The following L3MBTL2 variants were observed in gnomAD, a reference collection of about 807,000 sequenced individuals.
L3MBTL2 encodes L3MBTL histone methyl-lysine binding protein 2.
Under a neutral mutation model 86.4 loss-of-function variants are expected in L3MBTL2, and 49 were observed. That is an observed-to-expected ratio of 0.57 (90% CI 0.45 to 0.72). The LOEUF (loss-of-function observed/expected upper bound fraction) is 0.72, where lower values mean the gene tolerates loss of function less well. Ranked by LOEUF, L3MBTL2 falls within the 30% of genes least tolerant of loss-of-function variation. L3MBTL2 has a pLI of 0.00. For synonymous variants in L3MBTL2, 336 were observed against 350.6 expected (o/e 0.96, Z 0.47); for missense variants, 755 against 923.7 (o/e 0.82, Z 2.37).
intron 2 of L3MBTL2, 115 bp downstream of exon 2, chr22:41,210,048 T>A: frequency 7.0e-7 from 1 of 1,424,930 alleles, no homozygotes; most frequent in Non-Finnish European, 9.4e-7. Flanking sequence ...CTATTAACTC[T>A]GATTTCTAAG....
rs11705348 is a variant in L3MBTL2 at position 41,227,957 on chromosome 22, G to A, written c.1888+88G>A. On this transcript the variant is annotated intron_variant, in intron 15 of 16. Coordinates refer to ENST00000216237, the MANE Select transcript of L3MBTL2 (RefSeq NM_031488.5). The surrounding 1 kb of genome is among the most constrained non-coding windows in gnomAD (Gnocchi z 6.0). ...GGGAGCAGGCGGGGGTCAGCCCCCA[G>A]GCACTGGTTCCCAGGTGCTGTCCTA... The A allele has an allele frequency of 6.5e-7, 1 of 1,544,266 alleles. No individual in the cohort carries two copies. The highest frequency in any genetic ancestry group is 1.2e-5 in the South Asian group (1 of 83,932).
At position 41,227,599 on chromosome 22, in the gene L3MBTL2, C is replaced by G. The variant is rs1370396793; in HGVS notation, c.1823-205C>G. The G allele has an allele frequency of 7.1e-6, 11 of 1,547,544 alleles. No homozygotes were observed. The South Asian group carries it at 1.2e-4, about 17-fold the overall frequency. ...GGTAAACTACCCAGGTCCCTCTGAG[C>G]AGCCCTGGTAACAAGGGTGGGAAGA... is the stretch of plus-strand genomic sequence containing the variant. On this transcript the variant is annotated intron_variant, in intron 14 of 16. Coordinates refer to ENST00000216237, the MANE Select transcript of L3MBTL2 (RefSeq NM_031488.5). This position sits in a 1 kb window ranked among gnomAD's most constrained non-coding sequence, Gnocchi z 6.0.
At position 41,229,566 on chromosome 22, in the gene L3MBTL2, C is replaced by T. The variant is rs151099443; in HGVS notation, c.1915C>T (p.Arg639Ter). ...GAAAAGAATCCCGCCCACTAAGACG[C>T]GACCCCTCAGACAGGGGTCCAAGAA... Reference protein sequence around the residue: ...KRKRIPPTKTRPLRQGSKKPL... With the variant: ...KRKRIPPTKT Residue 639 changes from arginine (R) to a stop codon, truncating the protein, a stop_gained, in exon 16 of 17, where the codon CGA becomes TGA. Coordinates refer to ENST00000216237, the MANE Select transcript of L3MBTL2 (RefSeq NM_031488.5). LOFTEE classifies it high-confidence loss of function. 5 of 1,612,830 alleles carry T rather than the reference C, an allele frequency of 3.1e-6. No homozygotes were observed. Among genetic ancestry groups the T allele is most frequent in the Admixed American group, 3.3e-5 (2 of 59,996 alleles).
intron 12 of L3MBTL2, among the ~76,000 whole-genome samples, 175 bp from the exon 13 acceptor site, chr22:41,226,487 C>T (rs893676173): frequency 6.6e-6 from 1 of 152,184 alleles, no homozygotes; most frequent in African/African-American, 2.4e-5. Context: ...ACCTATACAA[C>T]AGGACTGTGG....
Position 41,224,250 on chromosome 22 carries a change from A to G in L3MBTL2, c.1173A>G (p.Ser391=). 6.2e-6 allele frequency: 10 copies of G among 1,607,858 alleles called. No individual in the cohort carries two copies. The highest frequency in any genetic ancestry group is 8.5e-6 in the Non-Finnish European group (10 of 1,175,110). ...SRRVGHGIKM[S]ERRSDMAHHP... ...GTGTGGGCCACGGCATCAAGATGTC[A>G]GGTTAGCAGAGCCCCAGGCCAGAGG... The change falls in exon 9 of 17, where the codon TCA becomes TCG. Residue 391 remains serine (S), a splice_region_variant and synonymous_variant. Coordinates refer to ENST00000216237, the MANE Select transcript of L3MBTL2 (RefSeq NM_031488.5). The surrounding 1 kb of genome is among the most constrained non-coding windows in gnomAD (Gnocchi z 4.9).
chr22:41,212,634 G>A (rs1284597483), intron 2 of L3MBTL2, among the ~76,000 whole-genome samples: 5 of 152,074 alleles, frequency 3.3e-5, no homozygotes, highest in Non-Finnish European at 7.4e-5. Flanking sequence ...GGTGGCTCAC[G>A]CCTGTAATCC....
downstream of L3MBTL2, chr22:41,231,271 A>AG (rs1483620179): frequency 6.6e-6 from 1 of 152,144 alleles, no homozygotes; most frequent in Admixed American, 6.5e-5. Context: ...TGCTTGCTTG[A>AG]GTCCCGTTTG....
intron 1 of L3MBTL2, among the ~76,000 whole-genome samples, chr22:41,206,754 G>A (rs112352058): frequency 1.3e-5 from 2 of 151,782 alleles, no homozygotes; most frequent in Non-Finnish European, 2.9e-5. Flanking sequence ...AGCCGAGATC[G>A]GGCCACTGCA....
At chr22:41,214,808 C>T (rs1216901362) in intron 3 of L3MBTL2, 1 of 152,140 alleles carries the variant, frequency 6.6e-6, no homozygotes, top group East Asian at 1.9e-4. Flanking sequence ...GTCAGGAGAT[C>T]GAGACCATCC....
In L3MBTL2 at chr22:41,220,728, T is replaced by G. The variant is rs1165381084; in HGVS notation, c.719-6T>G. 6.2e-7 allele frequency: 1 copy of G among 1,609,950 alleles called. No homozygotes were observed. The highest frequency in any genetic ancestry group is 8.5e-7 in the Non-Finnish European group (1 of 1,177,152). The stretch of plus-strand genomic sequence containing the variant: ...CCCTCACAGGTGCCCTTTCCTTTCC[T>G]TTCAGGGTATCGGGTGCTGCTTCGG... On this transcript the variant is annotated splice_region_variant and splice_polypyrimidine_tract_variant and intron_variant, in intron 6 of 16. Transcript: ENST00000216237.
intron 2 of L3MBTL2, 108 bp from the exon 3 acceptor site, chr22:41,213,785 C>T: frequency 8.2e-7 from 1 of 1,214,730 alleles, no homozygotes; most frequent in Admixed American, 1.9e-5. Context: ...TTTGTGGGGG[C>T]AGGGGCTCAC....
intron 8 of L3MBTL2, among the ~76,000 whole-genome samples, chr22:41,223,707 C>T (rs1248871299): frequency 3.3e-5 from 5 of 152,218 alleles, no homozygotes; most frequent in African/African-American, 1.2e-4. Flanking sequence ...GGTCACTTTT[C>T]CTTAGTCTAA....
rs921531440 is a variant in L3MBTL2, at chr22:41,213,233, T to C, written c.263-660T>C. Among the ~76,000 whole-genome samples, 24 of 152,212 alleles carry C rather than the reference T, an allele frequency of 1.6e-4. 1 individual carries two copies. Among genetic ancestry groups the C allele is most frequent in the Admixed American group, 1.2e-3 (18 of 15,284 alleles). On this transcript the variant is annotated intron_variant, in intron 2 of 16. Coordinates refer to ENST00000216237, the MANE Select transcript of L3MBTL2 (RefSeq NM_031488.5). ...AGGCTCCGTCTCAAAAATAAATAAA[T>C]AAAACACTGATCTAGTTCAGTCCCT...
At chr22:41,215,315 G>A (rs1378908373) in intron 3 of L3MBTL2, among the ~76,000 whole-genome samples, 1 of 152,126 alleles carries the variant, frequency 6.6e-6, no homozygotes, top group African/African-American at 2.4e-5. Flanking sequence ...GGGAGTACTT[G>A]CTAAGGGCTT....
intron 2 of L3MBTL2, among the ~76,000 whole-genome samples, chr22:41,212,666 C>T (rs12167677): frequency 1.3e-5 from 2 of 151,436 alleles, no homozygotes; most frequent in Non-Finnish European, 2.9e-5. Flanking sequence ...GAGGCCGAGG[C>T]GGGAGGATCA....
At chr22:41,214,896 A>G (rs1440590099) in intron 3 of L3MBTL2, among the ~76,000 whole-genome samples, 1 of 152,182 alleles carries the variant, frequency 6.6e-6, no homozygotes, top group African/African-American at 2.4e-5. Flanking sequence ...CTGTAGTCCC[A>G]GTTACTCGGG....
intron 12 of L3MBTL2, among the ~76,000 whole-genome samples, chr22:41,226,330 G>C (rs1333287128): frequency 6.6e-6 from 1 of 152,194 alleles, no homozygotes; most frequent in Non-Finnish European, 1.5e-5. Context: ...TCCTGGTCAA[G>C]TCAGGCCCCA....
chr22:41,213,897 C>G lies in L3MBTL2; in HGVS notation c.267C>G (p.Val89=), dbSNP rs371711074. The G allele has an allele frequency of 1.1e-5, 18 of 1,613,994 alleles. No individual in the cohort carries two copies. The highest frequency in any genetic ancestry group is 1.7e-5 in the Admixed American group (1 of 59,984). The change falls in exon 3 of 17, where the codon GTC becomes GTG. Residue 89 remains valine, a synonymous_variant. Transcript: ENST00000216237. ...TGTGCTAAGTTCTCTTCCCAGCTGT[C>G]TGTGAGATGTGTGGTATCGTGGGTA... is the stretch of plus-strand genomic sequence containing the variant. ...SLDGSGSEPA[V]CEMCGIVGTR...
At chr22:41,228,019 T>G in intron 15 of L3MBTL2, 150 bp downstream of exon 15, 3 of 1,418,132 alleles carry the variant, frequency 2.1e-6, no homozygotes, top group Non-Finnish European at 2.8e-6. Context: ...TCCTGTCTCT[T>G]TCCCCTTGCC....
Sources: allele counts gnomAD v4.1 joint callset (sites outside exome capture counted in the v4.1 genomes callset), GRCh38; gene constraint gnomAD v4.1.1; non-coding constraint Gnocchi (gnomAD v3.1); transcripts MANE v1.5; gene names NCBI Gene and HGNC (gene_info 2026-07-23, HGNC 2026-07-21).